HAVCR2: variants seen among roughly 807,000 people sequenced by gnomAD.
HAVCR2 encodes hepatitis A virus cellular receptor 2, also known as T cell immunoglobulin mucin 3.
Under a neutral mutation model 24.7 loss-of-function variants are expected in HAVCR2, and 13 were observed. The ratio of observed to expected loss-of-function variants is 0.53; its 90% CI spans 0.34 to 0.84. The LOEUF (loss-of-function observed/expected upper bound fraction) is 0.84, where lower values mean the gene tolerates loss of function less well. Ranked by LOEUF, HAVCR2 falls within the 40% of genes least tolerant of loss-of-function variation. The pLI is 0.01. For missense variants in HAVCR2, 343 were observed against 371.2 expected, an observed-to-expected ratio of 0.92 and a Z score of 0.62; for synonymous variants, 154 against 143.4, an observed-to-expected ratio of 1.07 and a Z score of -0.53.
chr5:157,104,238 G>A (rs1757212965), intron 3 of HAVCR2, among the ~76,000 whole-genome samples: 2 of 152,122 alleles, frequency 1.3e-5, no homozygotes, highest in Non-Finnish European at 1.5e-5. Context: ...TGGAATCCAG[G>A]GAAGGTGATG....
At chr5:157,108,867 C>G in intron 1 of HAVCR2, 59 bp downstream of exon 1, 2 of 1,516,044 alleles carry the variant, frequency 1.3e-6, no homozygotes, top group South Asian at 2.4e-5. Context: ...CCTTGTATCT[C>G]TCCCTTGTCC....
chr5:157,100,901 T>C (rs555643896), intron 3 of HAVCR2, among the ~76,000 whole-genome samples: 1 of 152,100 alleles, frequency 6.6e-6, no homozygotes, highest in East Asian at 1.9e-4. Context: ...ATCGAGACCA[T>C]CCTGGCCAAT....
At chr5:157,094,883 T>C (rs1046732751) in intron 5 of HAVCR2, among the ~76,000 whole-genome samples, 5 of 151,920 alleles carry the variant, frequency 3.3e-5, no homozygotes, top group African/African-American at 1.2e-4. Context: ...GAAGGAAGTG[T>C]TTTTTGTTGT....
Position 157,086,103 on chromosome 5 carries a change from C to T in HAVCR2, c.*999G>A, listed in dbSNP as rs1474638355. 6.6e-6 allele frequency: 1 copy of T among 152,090 alleles called. No homozygotes were observed. The allele number at this position is 152,090 out of a possible 1,614,324, so 9.4% of individuals were successfully genotyped here. A position where few individuals can be genotyped will look rare whatever the true frequency, so the allele number is the denominator to read the frequency against. On this transcript the variant is annotated 3_prime_UTR_variant, in exon 7 of 7. Coordinates refer to ENST00000307851, the MANE Select transcript of HAVCR2 (RefSeq NM_032782.5). Reference sequence around the variant, plus strand: ...TTGGTCCACGAATACAGAAGTTGGTCAGAGATATTTTCTTTCAAGCACACA... The same window carrying T: ...TTGGTCCACGAATACAGAAGTTGGTTAGAGATATTTTCTTTCAAGCACACA...
intron 5 of HAVCR2, among the ~76,000 whole-genome samples, chr5:157,091,134 G>C (rs547281496): frequency 1.5e-4 from 23 of 152,160 alleles, no homozygotes; most frequent in South Asian, 2.1e-4. Flanking sequence ...CAATTTAAAA[G>C]GTTGACTATA....
Position 157,104,712 on chromosome 5 carries a change from G to A in HAVCR2, c.432C>T (p.Phe144=), listed in dbSNP as rs866018382. The A allele has an allele frequency of 2.5e-6, 4 of 1,605,264 alleles. No homozygotes were observed. The Admixed American group carries it at 6.8e-5, about 27-fold the overall frequency. ...TAAGCATCCTTGGAAAGGCTGCAGT[G>A]AAGTCTCTCTGCCGAGTCGGTGCAG... is the stretch of plus-strand genomic sequence containing the variant. ...VTPAPTRQRD[F]TAAFPRMLTT... Residue 144 remains phenylalanine, a synonymous_variant, in exon 3 of 7, where the codon TTC becomes TTT. Coordinates refer to ENST00000307851, the MANE Select transcript of HAVCR2 (RefSeq NM_032782.5).
At chr5:157,102,338 T>C (rs1485184668) in intron 3 of HAVCR2, among the ~76,000 whole-genome samples, 2 of 152,138 alleles carry the variant, frequency 1.3e-5, no homozygotes, top group East Asian at 3.9e-4. Flanking sequence ...CCTCCCATAG[T>C]GCTGGGATTA....
intron 3 of HAVCR2, among the ~76,000 whole-genome samples, chr5:157,103,089 C>A (rs1019448217): frequency 6.6e-6 from 1 of 152,016 alleles, no homozygotes; most frequent in Non-Finnish European, 1.5e-5. Context: ...ACTGGCCGGG[C>A]GCGGTGGCTC....
intron 4 of HAVCR2, among the ~76,000 whole-genome samples, chr5:157,097,070 C>T (rs1383169003): frequency 6.6e-6 from 1 of 151,932 alleles, no homozygotes; most frequent in Non-Finnish European, 1.5e-5. Flanking sequence ...CCTGCAATAA[C>T]AGGAGTCCTA....
rs773053705 is a variant in HAVCR2, at chr5:157,106,650, T to C, written c.371A>G (p.Asn124Ser). ...ACCTGGTTTGATGACCAACTTCAGG[T>C]TAAATTTTTCATCATTCATTATGCC... ...IPGIMNDEKF[N>S]LKLVIKPAKV... Residue 124 changes from asparagine to serine, a missense_variant, in exon 2 of 7, where the codon AAC (asparagine) becomes AGC (serine). Physicochemically the swap from Asn to Ser is conservative, Grantham distance 46. Coordinates refer to ENST00000307851, the MANE Select transcript of HAVCR2 (RefSeq NM_032782.5). 4 of 1,614,068 alleles carry C rather than the reference T, an allele frequency of 2.5e-6. No individual in the cohort carries two copies. Among genetic ancestry groups the C allele is most frequent in the Non-Finnish European group, 3.4e-6 (4 of 1,180,012 alleles).
intron 5 of HAVCR2, among the ~76,000 whole-genome samples, chr5:157,094,282 T>C (rs116462788): frequency 0.051 from 7,762 of 152,168 alleles, 281 homozygotes; most frequent in Non-Finnish European, 0.081. Flanking sequence ...TGGGCTCAAC[T>C]GATCCTCTCA....
chr5:157,093,249 C>T (rs139817884), intron 5 of HAVCR2, among the ~76,000 whole-genome samples: 1 of 152,062 alleles, frequency 6.6e-6, no homozygotes, highest in Admixed American at 6.6e-5. Context: ...AGATGAGGAG[C>T]AGGACAGTCC....
chr5:157,094,437 G>A (rs1757063183), intron 5 of HAVCR2, among the ~76,000 whole-genome samples: 1 of 151,264 alleles, frequency 6.6e-6, no homozygotes, highest in Non-Finnish European at 1.5e-5. Context: ...AGGCTGGAGT[G>A]CAGTGGCATG....
Position 157,098,915 on chromosome 5 carries a change from G to T in HAVCR2, c.479-14C>A. ...TCTGTGTCTCTGCTATAAAAAGAGAGAGAGAGAGAGAGAGAGGAAAAATAG... is the reference window on the plus strand; with the variant it reads ...TCTGTGTCTCTGCTATAAAAAGAGATAGAGAGAGAGAGAGAGGAAAAATAG... On this transcript the variant is annotated splice_polypyrimidine_tract_variant and intron_variant, in intron 3 of 6. Transcript: ENST00000307851. 6.3e-7 allele frequency: 1 copy of T among 1,591,016 alleles called. No homozygotes were observed. The highest frequency in any genetic ancestry group is 8.6e-7 in the Non-Finnish European group (1 of 1,165,684).
At chr5:157,094,654 AT>A (rs1757066156) in intron 5 of HAVCR2, among the ~76,000 whole-genome samples, 2 of 151,730 alleles carry the variant, frequency 1.3e-5, no homozygotes, top group South Asian at 4.2e-4. Context: ...AAGTGCTGGG[AT>A]TACAGGCGTG....
rs1299128593 is a variant in HAVCR2, at chr5:157,102,141, T to C, written c.478+2525A>G. Among the ~76,000 whole-genome samples the C allele has an allele frequency of 2.0e-5, 3 of 152,078 alleles. No homozygotes were observed. The South Asian group carries it at 6.2e-4, about 32-fold the overall frequency. On this transcript the variant is annotated intron_variant, in intron 3 of 6. Transcript: ENST00000307851. ...TAGTAGAGACAGGGGTTTCACCATCTTGGCCAGGCTGGCTTAAACTCCTGA... is the reference window on the plus strand; with the variant it reads ...TAGTAGAGACAGGGGTTTCACCATCCTGGCCAGGCTGGCTTAAACTCCTGA...
intron 6 of HAVCR2, among the ~76,000 whole-genome samples, chr5:157,088,705 T>C (rs1178904308): frequency 1.3e-5 from 2 of 152,198 alleles, no homozygotes; most frequent in African/African-American, 2.4e-5. Flanking sequence ...CATGTTGTAT[T>C]ATTAGGGTGA....
rs758599643 is a variant in HAVCR2, at chr5:157,106,712, T to C, written c.309A>G (p.Ala103=). The C allele has an allele frequency of 6.2e-7, 1 of 1,614,272 alleles. No homozygotes were observed. The change falls in exon 2 of 7, where the codon GCA becomes GCG. Residue 103 remains alanine, a synonymous_variant. Coordinates refer to ENST00000307851, the MANE Select transcript of HAVCR2 (RefSeq NM_032782.5). ...VSLTIENVTL[A]DSGIYCCRIQ... is the part of the protein sequence containing the mutation. ...TCCGGCAGCAGTAGATCCCACTGTCTGCTAGAGTCACATTCTCTATGGTCA... is the reference window on the plus strand; with the variant it reads ...TCCGGCAGCAGTAGATCCCACTGTCCGCTAGAGTCACATTCTCTATGGTCA...
chr5:157,099,868 G>C (rs1465756296), intron 3 of HAVCR2, among the ~76,000 whole-genome samples: 4 of 152,044 alleles, frequency 2.6e-5, no homozygotes, highest in African/African-American at 4.8e-5. Context: ...GCTAATTTTT[G>C]TATTTTTAGT....
Sources: gnomAD v4.1 joint callset for allele counts (sites outside exome capture counted in the v4.1 genomes callset) on GRCh38, gnomAD v4.1.1 for gene constraint, MANE v1.5 for transcripts, NCBI Gene and HGNC (gene_info 2026-07-23, HGNC 2026-07-21) for gene names.